Variants in SLC12A2 observed in about 807,000 individuals in gnomAD.
SLC12A2 encodes Na-K-2Cl cotransporter 1.
Under a neutral mutation model 136.3 loss-of-function variants are expected in SLC12A2, and 67 were observed. The ratio of observed to expected loss-of-function variants is 0.49; its 90% CI spans 0.40 to 0.60. The LOEUF is 0.60. Ranked by LOEUF, SLC12A2 falls within the 20% of genes least tolerant of loss-of-function variation. SLC12A2 has a pLI of 0.00. For missense variants in SLC12A2, 1,322 were observed against 1,534.7 expected, an observed-to-expected ratio of 0.86 and a Z score of 2.32; for synonymous variants, 619 against 562.9, an observed-to-expected ratio of 1.10 and a Z score of -1.41.
In SLC12A2 at chr5:128,084,117, G is replaced by GT. The variant is rs1225191021; in HGVS notation, c.163_164insT (p.Gly55ValfsTer5). The stretch of plus-strand genomic sequence containing the variant: ...TGCGCCCGCGAGCCGGGACGGCGGC[G>GT]GGGTCCGCGATGAGGGCCCCGCGGC... On this transcript the variant is annotated frameshift_variant, in exon 1 of 27. Transcript: ENST00000262461. LOFTEE classifies it high-confidence loss of function. This position sits in a 1 kb window ranked among gnomAD's most constrained non-coding sequence, Gnocchi z 5.6. 1 of 1,307,104 alleles carries GT rather than the reference G, an allele frequency of 7.7e-7. No individual in the cohort carries two copies. The allele number at this position is 1,307,104 out of a possible 1,614,324, so 81.0% of individuals were successfully genotyped here. A position where few individuals can be genotyped will look rare whatever the true frequency, so the allele number is the denominator to read the frequency against.
intron 9 of SLC12A2, among the ~76,000 whole-genome samples, chr5:128,141,135 G>C (rs980928845): frequency 3.9e-5 from 6 of 151,990 alleles, no homozygotes; most frequent in African/African-American, 1.5e-4. Context: ...ATTTTATTAT[G>C]GAAGTTTTCA....
chr5:128,115,522 C>T (rs1244579720), intron 4 of SLC12A2, among the ~76,000 whole-genome samples: 1 of 152,116 alleles, frequency 6.6e-6, no homozygotes, highest in Non-Finnish European at 1.5e-5. Context: ...GATTTTTACC[C>T]TCCCTAGGAA....
At chr5:128,141,078 C>A (rs4836365) in intron 9 of SLC12A2, among the ~76,000 whole-genome samples, 14,976 of 152,072 alleles carry the variant, frequency 0.098, 1,102 homozygotes, top group East Asian at 0.25. Context: ...GTGCATTACA[C>A]GTTACTCTGA....
At chr5:128,154,957 A>C (rs1305798704) in intron 15 of SLC12A2, among the ~76,000 whole-genome samples, 2 of 152,008 alleles carry the variant, frequency 1.3e-5, no homozygotes, top group Non-Finnish European at 2.9e-5. Context: ...TTTCACTTAA[A>C]GGAAGCATTT....
At chr5:128,132,208 C>G (rs76254608) in intron 5 of SLC12A2, among the ~76,000 whole-genome samples, 25 of 151,946 alleles carry the variant, frequency 1.6e-4, no homozygotes, top group African/African-American at 5.6e-4. Flanking sequence ...GGAGAATGGA[C>G]TTGAGGAATC....
rs749264118 is a variant in SLC12A2, at chr5:128,084,553, A to G, written c.599A>G (p.Tyr200Cys). ...GGGSGHHQHY[Y>C]YDTHTNTYYL... Reference sequence around the variant, plus strand: ...GGCAGTGGGCACCACCAGCACTACTATTATGATACCCACACCAACACCTAC... The same window carrying G: ...GGCAGTGGGCACCACCAGCACTACTGTTATGATACCCACACCAACACCTAC... Residue 200 changes from tyrosine (Y) to cysteine (C), a missense_variant, in exon 1 of 27, where the codon TAT becomes TGT. Physicochemically the swap from Tyr to Cys is radical, Grantham distance 194. Coordinates refer to ENST00000262461, the MANE Select transcript of SLC12A2 (RefSeq NM_001046.3). The surrounding 1 kb of genome is among the most constrained non-coding windows in gnomAD (Gnocchi z 5.6). 5.0e-6 allele frequency: 8 copies of G among 1,613,688 alleles called. 1 individual carries two copies. The Admixed American group carries it at 5.0e-5, about 10-fold the overall frequency.
At chr5:128,181,092 T>G in intron 23 of SLC12A2, 98 bp downstream of exon 23, 2 of 809,760 alleles carry the variant, frequency 2.5e-6, no homozygotes, top group Non-Finnish European at 4.2e-6. Flanking sequence ...AGAAAATGTC[T>G]ATTATCTTGC....
intron 1 of SLC12A2, among the ~76,000 whole-genome samples, chr5:128,086,807 G>T (rs1760116273): frequency 6.6e-6 from 1 of 152,190 alleles, no homozygotes; most frequent in Non-Finnish European, 1.5e-5. Context: ...GACAGGAGGG[G>T]TTATAACAGG....
chr5:128,174,188 A>T (rs1763469658), intron 19 of SLC12A2, among the ~76,000 whole-genome samples: 1 of 152,120 alleles, frequency 6.6e-6, no homozygotes, highest in Admixed American at 6.5e-5. Context: ...GAACCTGAAG[A>T]GTTTCAGAAT....
chr5:128,120,977 G>A (rs1761552219), intron 4 of SLC12A2, among the ~76,000 whole-genome samples: 1 of 152,012 alleles, frequency 6.6e-6, no homozygotes, highest in Non-Finnish European at 1.5e-5. Context: ...ATTGAATAAT[G>A]TTTTATTCTT....
intron 17 of SLC12A2, among the ~76,000 whole-genome samples, chr5:128,164,546 T>A (rs971154427): frequency 6.6e-6 from 1 of 152,188 alleles, no homozygotes; most frequent in African/African-American, 2.4e-5. Flanking sequence ...ATTTTTAGTG[T>A]GAATTGCTGC....
chr5:128,102,514 T>A (rs1467488037), intron 1 of SLC12A2, among the ~76,000 whole-genome samples: 1 of 151,704 alleles, frequency 6.6e-6, no homozygotes, highest in Non-Finnish European at 1.5e-5. Context: ...ATAGCATATT[T>A]TCAATCTGAC....
intron 1 of SLC12A2, among the ~76,000 whole-genome samples, chr5:128,103,468 ATATT>A (rs1760817274): frequency 6.6e-6 from 1 of 152,242 alleles, no homozygotes; most frequent in African/African-American, 2.4e-5. Context: ...TGAAAGCTCA[ATATT>A]CATTTACCAT....
intron 22 of SLC12A2, among the ~76,000 whole-genome samples, chr5:128,179,251 T>G (rs1253953443): frequency 6.6e-6 from 1 of 152,248 alleles, no homozygotes; most frequent in Non-Finnish European, 1.5e-5. Flanking sequence ...CCACTATCTT[T>G]AGGATCCATT....
In SLC12A2 at chr5:128,186,680, T is replaced by A. The variant is rs1020685648; in HGVS notation, c.*49T>A. ...TCCAGAATGGTACTTCAGTGCCTAG[T>A]GTAGTAACTGAAATCTTCAATGACA... On this transcript the variant is annotated 3_prime_UTR_variant, in exon 27 of 27. Transcript: ENST00000262461. 6.4e-7 allele frequency: 1 copy of A among 1,554,212 alleles called. No individual in the cohort carries two copies. Among genetic ancestry groups the A allele is most frequent in the Middle Eastern group, 1.7e-4 (1 of 5,910 alleles).
At chr5:128,129,418 A>G (rs1367455549) in intron 4 of SLC12A2, among the ~76,000 whole-genome samples, 1 of 151,866 alleles carries the variant, frequency 6.6e-6, no homozygotes, top group Non-Finnish European at 1.5e-5. Flanking sequence ...ATTTCGTGGA[A>G]AATTTTAAGT....
intron 5 of SLC12A2, among the ~76,000 whole-genome samples, chr5:128,133,905 C>G (rs1366204770): frequency 6.6e-6 from 1 of 151,954 alleles, no homozygotes; most frequent in Non-Finnish European, 1.5e-5. Flanking sequence ...GTTAGCAATT[C>G]CTTTTTTGAT....
At chr5:128,109,943 A>G (rs1003582534) in intron 1 of SLC12A2, 3 of 866,618 alleles carry the variant, frequency 3.5e-6, no homozygotes, top group East Asian at 2.4e-5. Flanking sequence ...GAACTGCCCA[A>G]CTGGAAACCA....
At chr5:128,110,172 G>A in intron 1 of SLC12A2, 1 of 825,716 alleles carries the variant, frequency 1.2e-6, no homozygotes, top group South Asian at 1.3e-5. Context: ...GATGCCAGAT[G>A]TAGAGTTCTT....
Sources: gnomAD v4.1 joint callset for allele counts (sites outside exome capture counted in the v4.1 genomes callset) on GRCh38, gnomAD v4.1.1 for gene constraint, Gnocchi (gnomAD v3.1) non-coding constraint, MANE v1.5 for transcripts, NCBI Gene and HGNC (gene_info 2026-07-23, HGNC 2026-07-21) for gene names.